The following ANXA13 variants were observed in gnomAD, a reference collection of about 807,000 sequenced individuals.
The protein encoded by ANXA13 is annexin A13, also known as annexin XIII.
A neutral mutation model predicts 46.6 loss-of-function variants in ANXA13; 36 were observed. That is an observed-to-expected ratio of 0.77 (90% CI 0.59 to 1.02). ANXA13 has a LOEUF of 1.02. Among genes scored for constraint, ANXA13 ranks in the 50% least tolerant of loss-of-function variants. ANXA13 has a pLI of 0.00. For missense variants in ANXA13, 417 were observed against 396.5 expected, an observed-to-expected ratio of 1.05 and a Z score of -0.44; for synonymous variants, 163 against 152.9, an observed-to-expected ratio of 1.07 and a Z score of -0.49.
intron 9 of ANXA13, among the ~76,000 whole-genome samples, chr8:123,685,309 C>T (rs1193756575): frequency 1.3e-5 from 2 of 152,116 alleles, no homozygotes; most frequent in Non-Finnish European, 2.9e-5. Context: ...CACTTTCCTA[C>T]GATGCTGCTA....
rs1336812469 is a variant in ANXA13 at position 123,690,936 on chromosome 8, G to A, written c.643-1990C>T. Reference sequence around the variant, plus strand: ...CACGCAGTGAGGTGGCAGCAAAGTGGGCTATGGGTATGCATACCTACTGTT... The same window carrying A: ...CACGCAGTGAGGTGGCAGCAAAGTGAGCTATGGGTATGCATACCTACTGTT... On this transcript the variant is annotated intron_variant, in intron 8 of 10. Transcript: ENST00000419625. This position sits in a 1 kb window ranked among gnomAD's most constrained non-coding sequence, Gnocchi z 4.6. Among the ~76,000 whole-genome samples the A allele has an allele frequency of 6.6e-6, 1 of 152,164 alleles. No homozygotes were observed. Among genetic ancestry groups the A allele is most frequent in the Non-Finnish European group, 1.5e-5 (1 of 68,024 alleles).
intron 2 of ANXA13, among the ~76,000 whole-genome samples, chr8:123,710,261 A>G (rs1467638100): frequency 6.6e-6 from 1 of 152,174 alleles, no homozygotes; most frequent in African/African-American, 2.4e-5. Flanking sequence ...CAAGTAAAAG[A>G]AGCCACATAT....
intron 1 of ANXA13, 25 bp from the exon 2 acceptor site, chr8:123,712,778 A>T (rs1813684435): frequency 6.2e-7 from 1 of 1,604,784 alleles, no homozygotes; most frequent in Non-Finnish European, 8.5e-7. Context: ...TGAAAAGGTG[A>T]GATGACAATA....
Position 123,689,532 on chromosome 8 carries a change from CG to C in ANXA13, c.643-587del, listed in dbSNP as rs1813196149. 2.0e-5 allele frequency among the ~76,000 whole-genome samples: 3 copies of C among 152,122 alleles called. 1 individual carries two copies. In the South Asian group the frequency reaches 6.2e-4, roughly 32 times the overall value. On this transcript the variant is annotated intron_variant, in intron 8 of 10. Transcript: ENST00000419625. ...GGGTGGGTCTGCAAGGGCTGGGAGC[CG>C]GGGGTGCTGACCACATCAAAATGCC... is the stretch of plus-strand genomic sequence containing the variant.
chr8:123,736,255 C>T (rs899487344), intron 1 of ANXA13, among the ~76,000 whole-genome samples: 1 of 152,180 alleles, frequency 6.6e-6, no homozygotes, highest in African/African-American at 2.4e-5. Context: ...TTATTCTCTG[C>T]TCATAGTGTG....
chr8:123,714,356 A>G (rs73703645), intron 1 of ANXA13, among the ~76,000 whole-genome samples: 2,154 of 152,316 alleles, frequency 0.014, 42 homozygotes, highest in African/African-American at 0.049. Context: ...TGGTGGATAC[A>G]TAGATACTGA....
Position 123,690,077 on chromosome 8 carries a change from C to G in ANXA13, c.643-1131G>C, listed in dbSNP as rs763269644. The stretch of plus-strand genomic sequence containing the variant: ...CAGATTAGAAGAGTGGGGGAACTGT[C>G]CCTTCCTTAGCTGCCCCCAGTCTTT... On this transcript the variant is annotated intron_variant, in intron 8 of 10. Coordinates refer to ENST00000419625, the MANE Select transcript of ANXA13 (RefSeq NM_004306.4). The surrounding 1 kb of genome is among the most constrained non-coding windows in gnomAD (Gnocchi z 4.6). Among the ~76,000 whole-genome samples the G allele has an allele frequency of 6.6e-6, 1 of 152,084 alleles. No individual in the cohort carries two copies. The highest frequency in any genetic ancestry group is 1.5e-5 in the Non-Finnish European group (1 of 68,020).
chr8:123,684,551 A>G lies in ANXA13; in HGVS notation c.831+59T>C, dbSNP rs984663560. On this transcript the variant is annotated intron_variant, in intron 10 of 10. Coordinates refer to ENST00000419625, the MANE Select transcript of ANXA13 (RefSeq NM_004306.4). ...TTAATAGAAACTATTTGTTGATGAC[A>G]TCAGTGGTGGAAAAAAGAGAAGTTG... 50 of 1,155,864 alleles carry G rather than the reference A, an allele frequency of 4.3e-5. No individual in the cohort carries two copies. The African/African-American group carries it at 7.7e-4, about 18-fold the overall frequency. The allele number at this position is 1,155,864 out of a possible 1,614,324, so 71.6% of individuals were successfully genotyped here.
intron 1 of ANXA13, among the ~76,000 whole-genome samples, chr8:123,730,301 T>C (rs376683825): frequency 6.6e-6 from 1 of 152,132 alleles, no homozygotes; most frequent in Non-Finnish European, 1.5e-5. Flanking sequence ...AGGCAGCAGT[T>C]CTCAAAGTGT....
intron 2 of ANXA13, among the ~76,000 whole-genome samples, chr8:123,706,340 G>A (rs28585458): frequency 0.072 from 10,949 of 152,218 alleles, 418 homozygotes; most frequent in Non-Finnish European, 0.082. Context: ...TTCCATTCAG[G>A]CCACTCCTGT....
chr8:123,683,778 G>A (rs1264780129), intron 10 of ANXA13, among the ~76,000 whole-genome samples: 10 of 151,902 alleles, frequency 6.6e-5, no homozygotes, highest in Non-Finnish European at 1.2e-4. Context: ...GTAGTGACGG[G>A]GTTTCACCAT....
rs543155407 is a variant in ANXA13, at chr8:123,733,230, C to CTTAT, written c.15+4086_15+4089dup. Among the ~76,000 whole-genome samples the CTTAT allele has an allele frequency of 8.5e-3, 1,190 of 140,806 alleles. 17 individuals are homozygous for CTTAT. The highest frequency in any genetic ancestry group is 0.029 in the African/African-American group (1,095 of 37,842). 92.4% of individuals were successfully genotyped at this position (140,806 alleles called of 152,430 possible). ...CTTAAATAAATAAATAAATAAGGAT[C>CTTAT]TTATTTATTTATTTAAGTCTTTTGA... On this transcript the variant is annotated intron_variant, in intron 1 of 10. Transcript: ENST00000419625.
chr8:123,686,364 G>T (rs1169521532), intron 9 of ANXA13, among the ~76,000 whole-genome samples: 3 of 151,684 alleles, frequency 2.0e-5, no homozygotes, highest in Non-Finnish European at 2.9e-5. Flanking sequence ...AGAAGCTGAG[G>T]CATGAGAACC....
chr8:123,701,394 C>T (rs185884840), intron 3 of ANXA13, among the ~76,000 whole-genome samples: 118 of 152,168 alleles, frequency 7.8e-4, no homozygotes, highest in East Asian at 4.3e-3. Flanking sequence ...CGCTTGAACC[C>T]GGGAGGCAGA....
chr8:123,729,715 C>T (rs1814075067), intron 1 of ANXA13, among the ~76,000 whole-genome samples: 1 of 152,172 alleles, frequency 6.6e-6, no homozygotes, highest in Admixed American at 6.5e-5. Flanking sequence ...ATGTACTGAA[C>T]TGCTGAACCA....
At chr8:123,688,513 G>A (rs1241537370) in intron 9 of ANXA13, among the ~76,000 whole-genome samples, 6 of 152,116 alleles carry the variant, frequency 3.9e-5, no homozygotes, top group South Asian at 2.1e-4. Flanking sequence ...ATTCAGGATC[G>A]AGGCAGTCAT....
intron 1 of ANXA13, among the ~76,000 whole-genome samples, chr8:123,734,660 A>G (rs1337869033): frequency 1.3e-5 from 2 of 151,756 alleles, no homozygotes; most frequent in Non-Finnish European, 2.9e-5. Flanking sequence ...CTCTGCAATA[A>G]TAGTTGTCAA....
chr8:123,719,793 G>C (rs1424309591), intron 1 of ANXA13, among the ~76,000 whole-genome samples: 1 of 152,330 alleles, frequency 6.6e-6, no homozygotes, highest in East Asian at 1.9e-4. Context: ...GACCTACTCT[G>C]TTCAATTGCT....
chr8:123,687,374 AT>A (rs1176551562), intron 9 of ANXA13, among the ~76,000 whole-genome samples: 2 of 152,154 alleles, frequency 1.3e-5, no homozygotes, highest in Admixed American at 1.3e-4. Flanking sequence ...TGTAGGAGTT[AT>A]TTATATCCTA....
Sources: allele counts gnomAD v4.1 joint callset (sites outside exome capture counted in the v4.1 genomes callset), GRCh38; gene constraint gnomAD v4.1.1; non-coding constraint Gnocchi (gnomAD v3.1); transcripts MANE v1.5; gene names NCBI Gene and HGNC (gene_info 2026-07-23, HGNC 2026-07-21).